The following CACNA2D3 variants were observed in gnomAD, a reference collection of about 807,000 sequenced individuals.
The protein encoded by CACNA2D3 is voltage-dependent calcium channel subunit alpha-2/delta-3.
In CACNA2D3, 60 loss-of-function variants were observed where a neutral mutation model predicts 160.6. That is an observed-to-expected ratio of 0.37 (90% CI 0.30 to 0.46). The LOEUF (loss-of-function observed/expected upper bound fraction) is 0.46. Ranked by LOEUF, CACNA2D3 falls within the 20% of genes least tolerant of loss-of-function variation. CACNA2D3 has a pLI of 1.00. For synonymous variants in CACNA2D3, 558 were observed against 492.9 expected (o/e 1.13, Z -1.75); for missense variants, 1,205 against 1,365.0 (o/e 0.88, Z 1.85).
At chr3:54,231,949 G>A (rs1445436774) in intron 2 of CACNA2D3, among the ~76,000 whole-genome samples, 1 of 152,178 alleles carries the variant, frequency 6.6e-6, no homozygotes, top group Non-Finnish European at 1.5e-5. Flanking sequence ...CGCAGCTGCC[G>A]TTGCTTGTTC....
At chr3:54,821,665 T>G (rs899722212) in intron 14 of CACNA2D3, among the ~76,000 whole-genome samples, 1 of 112,902 alleles carries the variant, frequency 8.9e-6, no homozygotes, top group South Asian at 3.1e-4. Context: ...TCTTTCTTTC[T>G]TTCTTTCTTT....
At chr3:54,890,070 A>G (rs1024510913) in intron 24 of CACNA2D3, among the ~76,000 whole-genome samples, 2 of 152,238 alleles carry the variant, frequency 1.3e-5, no homozygotes, top group African/African-American at 4.8e-5. Context: ...TTCATCAAAG[A>G]TCAAGTAACC....
At chr3:54,424,746 C>G (rs746753163) in intron 4 of CACNA2D3, among the ~76,000 whole-genome samples, 2 of 152,194 alleles carry the variant, frequency 1.3e-5, no homozygotes, top group Non-Finnish European at 2.9e-5. Context: ...TTGCCATTCT[C>G]TCCCTGCATC....
chr3:54,813,785 G>A (rs1446559515), intron 13 of CACNA2D3, among the ~76,000 whole-genome samples: 2 of 149,568 alleles, frequency 1.3e-5, no homozygotes, highest in Non-Finnish European at 3.0e-5. Flanking sequence ...GTTGTGCTCA[G>A]AACTATAGAA....
intron 2 of CACNA2D3, among the ~76,000 whole-genome samples, chr3:54,132,865 G>A (rs1325044341): frequency 2.0e-5 from 3 of 152,152 alleles, no homozygotes; most frequent in South Asian, 2.1e-4. Context: ...CTCAGTGTTC[G>A]CACCTCTCAA....
intron 4 of CACNA2D3, among the ~76,000 whole-genome samples, chr3:54,436,098 T>G (rs1244249100): frequency 6.6e-6 from 1 of 151,974 alleles, no homozygotes; most frequent in African/African-American, 2.4e-5. Flanking sequence ...ACAAAAGAAC[T>G]AGATTCACAT....
chr3:54,654,420 A>G (rs1180759109), intron 11 of CACNA2D3, among the ~76,000 whole-genome samples: 1 of 152,154 alleles, frequency 6.6e-6, no homozygotes, highest in African/African-American at 2.4e-5. Context: ...TCTACCAGTT[A>G]TTTGAACAGA....
chr3:54,975,470 C>T (rs1702366913), intron 29 of CACNA2D3, among the ~76,000 whole-genome samples: 1 of 140,264 alleles, frequency 7.1e-6, no homozygotes, highest in African/African-American at 2.7e-5. Context: ...AGTGAGCTAA[C>T]ATCTCATGCC....
intron 2 of CACNA2D3, among the ~76,000 whole-genome samples, chr3:54,155,682 G>T (rs142495358): frequency 3.3e-4 from 51 of 152,278 alleles, no homozygotes; most frequent in African/African-American, 1.2e-3. Flanking sequence ...TCATGGTGTG[G>T]ATGTATGTTA....
At chr3:54,341,564 A>G (rs916138041) in intron 3 of CACNA2D3, among the ~76,000 whole-genome samples, 6 of 152,216 alleles carry the variant, frequency 3.9e-5, no homozygotes, top group Non-Finnish European at 8.8e-5. Context: ...TCACACAGAT[A>G]ATTTAAAGCC....
At chr3:54,966,250 T>G (rs886612176) in intron 27 of CACNA2D3, among the ~76,000 whole-genome samples, 4 of 151,996 alleles carry the variant, frequency 2.6e-5, no homozygotes, top group Non-Finnish European at 4.4e-5. Context: ...TACCCTGGAG[T>G]GACTCTTTCA....
At chr3:54,803,391 G>C (rs1703041098) in intron 13 of CACNA2D3, among the ~76,000 whole-genome samples, 1 of 152,174 alleles carries the variant, frequency 6.6e-6, no homozygotes, top group Non-Finnish European at 1.5e-5. Context: ...GAAAGCCAAG[G>C]CTCAAGAACT....
intron 4 of CACNA2D3, among the ~76,000 whole-genome samples, chr3:54,480,054 C>G (rs1559493714): frequency 6.6e-6 from 1 of 152,090 alleles, no homozygotes; most frequent in Non-Finnish European, 1.5e-5. Context: ...CATGCTCACA[C>G]AAGTCGAATC....
intron 2 of CACNA2D3, among the ~76,000 whole-genome samples, chr3:54,258,740 C>T (rs773025609): frequency 2.6e-5 from 4 of 152,074 alleles, no homozygotes; most frequent in African/African-American, 4.8e-5. Flanking sequence ...GATTCTGTTT[C>T]TGCTTGGTCA....
intron 11 of CACNA2D3, among the ~76,000 whole-genome samples, chr3:54,674,721 G>C (rs1245477915): frequency 6.6e-6 from 1 of 152,142 alleles, no homozygotes; most frequent in Non-Finnish European, 1.5e-5. Context: ...ATAAGAGAGA[G>C]GTGGTAGACA....
intron 5 of CACNA2D3, among the ~76,000 whole-genome samples, chr3:54,516,824 A>C (rs186136078): frequency 2.0e-5 from 3 of 152,282 alleles, no homozygotes; most frequent in Admixed American, 2.0e-4. Flanking sequence ...ACTCACTGCT[A>C]TCAAAGGCAG....
intron 1 of CACNA2D3, 90 bp from the exon 2 acceptor site, chr3:54,123,423 A>G (rs1228376552): frequency 1.1e-6 from 1 of 879,566 alleles, no homozygotes; most frequent in Non-Finnish European, 2.0e-6. Context: ...CTGCTCCTTC[A>G]GCCATAGTCC....
chr3:54,708,183 C>G (rs991988020), intron 11 of CACNA2D3, among the ~76,000 whole-genome samples: 1 of 152,158 alleles, frequency 6.6e-6, no homozygotes, highest in African/African-American at 2.4e-5. Context: ...TCCAGTGAAA[C>G]TTTTCTGGAT....
At chr3:54,674,667 A>G (rs1700209647) in intron 11 of CACNA2D3, among the ~76,000 whole-genome samples, 1 of 150,638 alleles carries the variant, frequency 6.6e-6, no homozygotes, top group Admixed American at 6.6e-5. Context: ...TAGATTCAAA[A>G]GGAGTGAGCC....
Sources: gnomAD v4.1 joint callset for allele counts (sites outside exome capture counted in the v4.1 genomes callset) on GRCh38, gnomAD v4.1.1 for gene constraint, MANE v1.5 for transcripts, NCBI Gene and HGNC (gene_info 2026-07-23, HGNC 2026-07-21) for gene names.